Variants in NTN1 observed in about 807,000 individuals in gnomAD.
NTN1 encodes the protein netrin-1.
In NTN1, 11 loss-of-function variants were observed where a neutral mutation model predicts 54.2. That is an observed-to-expected ratio of 0.20 (90% CI 0.13 to 0.34). The LOEUF (loss-of-function observed/expected upper bound fraction) is 0.34, where lower values mean the gene tolerates loss of function less well. NTN1 is among the 10% of genes least tolerant of loss of function. The pLI, the probability that NTN1 is intolerant of heterozygous loss-of-function variation, is 1.00. For missense variants in NTN1, 740 were observed against 893.1 expected, an observed-to-expected ratio of 0.83 and a Z score of 2.18; for synonymous variants, 371 against 382.0, an observed-to-expected ratio of 0.97 and a Z score of 0.33.
intron 2 of NTN1, among the ~76,000 whole-genome samples, chr17:9,155,419 G>A (rs760881196): frequency 1.3e-5 from 2 of 149,950 alleles, no homozygotes; most frequent in Non-Finnish European, 1.5e-5. Context: ...TCAGCTCACC[G>A]CAACCTTTGC....
chr17:9,035,096 G>A (rs1209894597), intron 2 of NTN1, among the ~76,000 whole-genome samples: 13 of 152,052 alleles, frequency 8.5e-5, no homozygotes, highest in East Asian at 3.9e-4. Flanking sequence ...ACAGGCGCCC[G>A]CCACCACACC....
At chr17:9,230,105 G>GGAGTCTTGACCTTA (rs1905756051) in intron 6 of NTN1, among the ~76,000 whole-genome samples, 1 of 152,012 alleles carries the variant, frequency 6.6e-6, no homozygotes, top group Non-Finnish European at 1.5e-5. Flanking sequence ...TCTTGACCTT[G>GGAGTCTTGACCTTA]GAGTCAATGG....
intron 2 of NTN1, among the ~76,000 whole-genome samples, chr17:9,071,668 C>G (rs1045383358): frequency 2.6e-5 from 4 of 152,226 alleles, no homozygotes; most frequent in African/African-American, 9.6e-5. Context: ...GCGGGAGACC[C>G]TGCCCGCATG....
intron 5 of NTN1, among the ~76,000 whole-genome samples, chr17:9,205,590 T>C (rs1904945900): frequency 6.6e-6 from 1 of 152,208 alleles, no homozygotes; most frequent in Non-Finnish European, 1.5e-5. Flanking sequence ...GCCTCTGCGC[T>C]CCAGCTGGGG....
At chr17:9,122,181 G>A (rs1378677147) in intron 2 of NTN1, among the ~76,000 whole-genome samples, 2 of 152,108 alleles carry the variant, frequency 1.3e-5, no homozygotes, top group Admixed American at 6.6e-5. Context: ...GGGACTACAG[G>A]TGCCCGCCAC....
chr17:9,154,147 C>G (rs2092335362), intron 2 of NTN1, among the ~76,000 whole-genome samples: 2 of 152,160 alleles, frequency 1.3e-5, no homozygotes, highest in Admixed American at 1.3e-4. Flanking sequence ...GAGCCTTAAG[C>G]CTATGTTTGG....
intron 2 of NTN1, among the ~76,000 whole-genome samples, chr17:9,141,447 A>G (rs899205826): frequency 1.3e-5 from 2 of 152,110 alleles, no homozygotes; most frequent in Non-Finnish European, 2.9e-5. Context: ...AGAGAGGTGG[A>G]TCCAACATGA....
At chr17:9,151,372 C>CG (rs961070737) in intron 2 of NTN1, among the ~76,000 whole-genome samples, 1 of 152,130 alleles carries the variant, frequency 6.6e-6, no homozygotes, top group Non-Finnish European at 1.5e-5. Flanking sequence ...CACTTATCTC[C>CG]GGGGACTTTA....
chr17:9,029,510 A>G (rs1437597886), intron 2 of NTN1, among the ~76,000 whole-genome samples: 2 of 152,200 alleles, frequency 1.3e-5, no homozygotes, highest in Admixed American at 6.5e-5. Flanking sequence ...TGTTCTGAAT[A>G]GTACTTGAAA....
At chr17:9,177,622 G>T (rs896980139) in intron 3 of NTN1, 2 of 152,256 alleles carry the variant, frequency 1.3e-5, no homozygotes, top group African/African-American at 2.4e-5. Context: ...TGCATCAGGG[G>T]CTTCGAAGAC....
the NTN1 span, among the ~76,000 whole-genome samples, chr17:9,013,197 T>TTTTTTCTTTTTTC: frequency 1.4e-5 from 2 of 139,596 alleles, no homozygotes; most frequent in Non-Finnish European, 3.0e-5. Flanking sequence ...GAAACACTCT[T>TTTTTTCTTTTTTC]TTTTTCTTTT....
intron 2 of NTN1, among the ~76,000 whole-genome samples, chr17:9,155,222 G>T (rs548947146): frequency 2.2e-4 from 33 of 152,322 alleles, no homozygotes; most frequent in Non-Finnish European, 3.8e-4. Context: ...AGGACCCTGG[G>T]ACAGGACTCC....
Position 9,211,281 on chromosome 17 carries a change from A to G in NTN1, c.1412-9887A>G, listed in dbSNP as rs1905102683. On this transcript the variant is annotated intron_variant, in intron 5 of 6. Transcript: ENST00000173229. This position sits in a 1 kb window ranked among gnomAD's most constrained non-coding sequence, Gnocchi z 4.4. ...CGAGTGCTGGGATGCTCCTCCCTGC[A>G]CTTCCTGGGGCTGATCCCTTGTCAT... Among the ~76,000 whole-genome samples, 1 of 152,096 alleles carries G rather than the reference A, an allele frequency of 6.6e-6. No individual in the cohort carries two copies. Among genetic ancestry groups the G allele is most frequent in the Non-Finnish European group, 1.5e-5 (1 of 68,020 alleles).
chr17:9,162,793 C>G lies in NTN1; in HGVS notation c.1019-20C>G. ...CCCCGCGCCCCTGCGGCTGACACCT[C>G]TCTCTGTCTCCCCCTGCAGCCTGTA... On this transcript the variant is annotated intron_variant, in intron 2 of 6. Coordinates refer to ENST00000173229, the MANE Select transcript of NTN1 (RefSeq NM_004822.3). 1 of 1,593,106 alleles carries G rather than the reference C, an allele frequency of 6.3e-7. No homozygotes were observed. The highest frequency in any genetic ancestry group is 8.6e-7 in the Non-Finnish European group (1 of 1,164,058).
In NTN1 at chr17:9,023,262, G is replaced by C. The variant is rs1256601152; in HGVS notation, c.889G>C (p.Asp297His). ...CGGCCACGCGGCCCGCTGCGTGCGC[G>C]ACCGCGACGACAGCCTGGTGTGCGA... Reference protein sequence around the residue: ...CNGHAARCVRDRDDSLVCDCR... With the variant: ...CNGHAARCVRHRDDSLVCDCR... The change falls in exon 2 of 7, where the codon GAC becomes CAC. Residue 297 changes from aspartate to histidine, a missense_variant. Transcript: ENST00000173229. 3.2e-6 allele frequency: 5 copies of C among 1,561,246 alleles called. No homozygotes were observed. The highest frequency in any genetic ancestry group is 4.3e-6 in the Non-Finnish European group (5 of 1,154,310).
chr17:9,129,627 C>A (rs2092257990), intron 2 of NTN1, among the ~76,000 whole-genome samples: 1 of 152,218 alleles, frequency 6.6e-6, no homozygotes, highest in African/African-American at 2.4e-5. Context: ...GCGTCTGCCT[C>A]CCCTGAATCT....
At chr17:9,116,827 G>C (rs2092214314) in intron 2 of NTN1, among the ~76,000 whole-genome samples, 1 of 150,894 alleles carries the variant, frequency 6.6e-6, no homozygotes, top group African/African-American at 2.5e-5. Flanking sequence ...AGACAGGAAG[G>C]AGAAAGGTGG....
chr17:9,014,112 A>C, the NTN1 span, among the ~76,000 whole-genome samples: 3 of 152,094 alleles, frequency 2.0e-5, no homozygotes, highest in African/African-American at 7.2e-5. Context: ...GATACAGATA[A>C]ACGACGTTGG....
At chr17:9,015,638 T>A in the NTN1 span, among the ~76,000 whole-genome samples, 183 of 152,112 alleles carry the variant, frequency 1.2e-3, no homozygotes, top group Non-Finnish European at 1.9e-3. Context: ...CTCATGCTCA[T>A]CCCAGTTGCA....
Sources: gnomAD v4.1 joint callset for allele counts (sites outside exome capture counted in the v4.1 genomes callset) on GRCh38, gnomAD v4.1.1 for gene constraint, Gnocchi (gnomAD v3.1) non-coding constraint, MANE v1.5 for transcripts, NCBI Gene and HGNC (gene_info 2026-07-23, HGNC 2026-07-21) for gene names.